The following SBF2 variants were observed in gnomAD, a reference collection of about 807,000 sequenced individuals.
SBF2 encodes SET binding factor 2, also known as myotubularin-related protein 13.
A neutral mutation model predicts 225.2 loss-of-function variants in SBF2; 112 were observed. That is an observed-to-expected ratio of 0.50 (90% CI 0.43 to 0.58). The LOEUF is 0.58. Ranked by LOEUF, SBF2 falls within the 20% of genes least tolerant of loss-of-function variation. The pLI, the probability that SBF2 is intolerant of heterozygous loss-of-function variation, is 0.00. For synonymous variants in SBF2, 763 were observed against 773.3 expected (o/e 0.99, Z 0.22); for missense variants, 1,996 against 2,206.2 (o/e 0.90, Z 1.91).
chr11:9,902,286 T>C (rs1861782090), intron 16 of SBF2, among the ~76,000 whole-genome samples: 2 of 152,208 alleles, frequency 1.3e-5, no homozygotes, highest in South Asian at 4.1e-4. Flanking sequence ...AACTCCCTTA[T>C]CTTGACTCAA....
chr11:10,173,606 GC>G (rs1436007871), intron 2 of SBF2, among the ~76,000 whole-genome samples: 1 of 152,186 alleles, frequency 6.6e-6, no homozygotes, highest in Non-Finnish European at 1.5e-5. Flanking sequence ...CATTGCCCAG[GC>G]TTGCTTAGGT....
chr11:9,830,796 A>T (rs1211845094), intron 27 of SBF2, among the ~76,000 whole-genome samples: 1 of 151,882 alleles, frequency 6.6e-6, no homozygotes, highest in Non-Finnish European at 1.5e-5. Context: ...AAACAAAAAA[A>T]CCCTAAAGAT....
chr11:9,825,876 G>C (rs1033861094), intron 28 of SBF2, among the ~76,000 whole-genome samples: 3 of 152,218 alleles, frequency 2.0e-5, no homozygotes, highest in Non-Finnish European at 4.4e-5. Flanking sequence ...GTGAGTTTTA[G>C]TGGGAAGACT....
At chr11:9,987,887 T>C (rs1490470508) in intron 13 of SBF2, among the ~76,000 whole-genome samples, 1 of 152,084 alleles carries the variant, frequency 6.6e-6, no homozygotes, top group Non-Finnish European at 1.5e-5. Context: ...CGGAATACCA[T>C]CATCATTCTT....
At chr11:10,120,416 C>T (rs560435163) in intron 2 of SBF2, among the ~76,000 whole-genome samples, 1 of 152,278 alleles carries the variant, frequency 6.6e-6, no homozygotes, top group African/African-American at 2.4e-5. Flanking sequence ...TGCAATTCTC[C>T]TTGAAGTTCT....
intron 28 of SBF2, among the ~76,000 whole-genome samples, chr11:9,817,861 G>A (rs777410354): frequency 1.3e-5 from 2 of 151,984 alleles, no homozygotes; most frequent in Non-Finnish European, 1.5e-5. Flanking sequence ...GCGCCACTGC[G>A]CTACATACTG....
At chr11:9,884,409 T>C (rs1289104934) in intron 17 of SBF2, among the ~76,000 whole-genome samples, 1 of 152,186 alleles carries the variant, frequency 6.6e-6, no homozygotes, top group Non-Finnish European at 1.5e-5. Context: ...TTTTAGCTTT[T>C]AAAAATGAAA....
chr11:10,027,826 G>T (rs531320987), intron 6 of SBF2, among the ~76,000 whole-genome samples: 13 of 152,222 alleles, frequency 8.5e-5, no homozygotes, highest in African/African-American at 2.4e-4. Flanking sequence ...ATAGATGGTG[G>T]GATGAGAAGA....
chr11:10,266,218 G>C (rs1002607154), intron 1 of SBF2, among the ~76,000 whole-genome samples: 2 of 152,176 alleles, frequency 1.3e-5, no homozygotes, highest in African/African-American at 2.4e-5. Flanking sequence ...CACAAACTCA[G>C]GTTGTTTGAC....
At chr11:10,164,289 A>G (rs1461409564) in intron 2 of SBF2, among the ~76,000 whole-genome samples, 2 of 152,208 alleles carry the variant, frequency 1.3e-5, no homozygotes, top group South Asian at 2.1e-4. Context: ...GGACATAATT[A>G]TAATAAAATA....
intron 32 of SBF2, among the ~76,000 whole-genome samples, chr11:9,798,908 C>A (rs1463741080): frequency 2.0e-5 from 3 of 149,702 alleles, no homozygotes; most frequent in African/African-American, 7.4e-5. Context: ...GCCGAGATCG[C>A]GCCACCGCAC....
At chr11:9,863,563 C>T (rs1277528905) in intron 17 of SBF2, among the ~76,000 whole-genome samples, 1 of 152,206 alleles carries the variant, frequency 6.6e-6, no homozygotes, top group Non-Finnish European at 1.5e-5. Flanking sequence ...TGATTCTGCT[C>T]TGGCCTGACC....
intron 2 of SBF2, among the ~76,000 whole-genome samples, chr11:10,152,191 T>A (rs1955231447): frequency 6.6e-6 from 1 of 152,148 alleles, no homozygotes; most frequent in South Asian, 2.1e-4. Flanking sequence ...ACTTAAAAAT[T>A]TTCGTCATGC....
At chr11:10,114,103 G>T (rs1403034738) in intron 2 of SBF2, among the ~76,000 whole-genome samples, 1 of 151,180 alleles carries the variant, frequency 6.6e-6, no homozygotes, top group East Asian at 1.9e-4. Flanking sequence ...TACTTCTCTG[G>T]GCCTCAGTTT....
intron 2 of SBF2, among the ~76,000 whole-genome samples, chr11:10,057,225 C>T (rs148876237): frequency 1.3e-5 from 2 of 151,982 alleles, no homozygotes; most frequent in Admixed American, 6.5e-5. Context: ...CCCATATCTC[C>T]TCACTGTGCA....
chr11:10,240,388 T>C (rs1055122720), intron 1 of SBF2, among the ~76,000 whole-genome samples: 1 of 152,036 alleles, frequency 6.6e-6, no homozygotes, highest in South Asian at 2.1e-4. Context: ...AACTTAAAAG[T>C]ACCATGATAT....
intron 1 of SBF2, among the ~76,000 whole-genome samples, chr11:10,228,330 T>G (rs185103786): frequency 4.6e-5 from 7 of 152,174 alleles, no homozygotes. Context: ...TCCTGCCTGA[T>G]TGCCCTGGCC....
At chr11:9,898,155 G>T (rs1033816604) in intron 16 of SBF2, among the ~76,000 whole-genome samples, 1 of 151,688 alleles carries the variant, frequency 6.6e-6, no homozygotes, top group Non-Finnish European at 1.5e-5. Context: ...TACTGCTGCG[G>T]ATGGGGAGGG....
At chr11:10,137,836 G>A (rs961014498) in intron 2 of SBF2, among the ~76,000 whole-genome samples, 4 of 151,898 alleles carry the variant, frequency 2.6e-5, no homozygotes, top group African/African-American at 7.3e-5. Context: ...GTGAAACCCC[G>A]TCTCTACTAA....
Sources: allele counts gnomAD v4.1 joint callset (sites outside exome capture counted in the v4.1 genomes callset), GRCh38; gene constraint gnomAD v4.1.1; transcripts MANE v1.5; gene names NCBI Gene and HGNC (gene_info 2026-07-23, HGNC 2026-07-21).